Variants in MYO3B observed in about 807,000 individuals in gnomAD.
The protein encoded by MYO3B is myosin IIIB.
In MYO3B, 156 loss-of-function variants were observed where a neutral mutation model predicts 174.6. The observed-to-expected ratio is 0.89, with a 90% CI of 0.78 to 1.02. The LOEUF (loss-of-function observed/expected upper bound fraction) is 1.02, where lower values mean the gene tolerates loss of function less well. MYO3B is among the 50% of genes least tolerant of loss of function. MYO3B has a pLI of 0.00. For synonymous variants in MYO3B, 563 were observed against 569.1 expected (o/e 0.99, Z 0.15); for missense variants, 1,632 against 1,639.4 (o/e 1.00, Z 0.08).
At chr2:170,573,152 A>G (rs868354019) in intron 32 of MYO3B, among the ~76,000 whole-genome samples, 1 of 146,870 alleles carries the variant, frequency 6.8e-6, no homozygotes, top group Non-Finnish European at 1.5e-5. Flanking sequence ...TCTAGGGGAT[A>G]CTATATATAT....
rs745323064 is a variant in MYO3B, at chr2:170,392,385, A to G, written c.1681A>G (p.Ile561Val). The G allele has an allele frequency of 1.3e-5, 21 of 1,596,600 alleles. No individual in the cohort carries two copies. Among genetic ancestry groups the G allele is most frequent in the Non-Finnish European group, 1.8e-5 (21 of 1,168,782 alleles). ...RLPEEKPPRYIADETGRVMHD... is the reference protein window; with the variant it reads ...RLPEEKPPRYVADETGRVMHD... ...GTCATGCTCCACTTCATTTAGGTAC[A>G]TAGCTGATGAAACTGGAAGGGTGAT... Residue 561 changes from isoleucine to valine, a missense_variant, in exon 16 of 35, where the codon ATA becomes GTA. Ile to Val is a conservative substitution (Grantham distance 29). Coordinates refer to ENST00000408978, the MANE Select transcript of MYO3B (RefSeq NM_138995.5).
At chr2:170,232,946 A>T (rs560078117) in intron 6 of MYO3B, among the ~76,000 whole-genome samples, 2 of 152,246 alleles carry the variant, frequency 1.3e-5, no homozygotes, top group Non-Finnish European at 2.9e-5. Context: ...TGAGCTGAAG[A>T]TAATGTTTGT....
At chr2:170,361,695 A>C (rs1018655232) in intron 8 of MYO3B, among the ~76,000 whole-genome samples, 1 of 152,194 alleles carries the variant, frequency 6.6e-6, no homozygotes. Flanking sequence ...TTGACCTGCT[A>C]CTTGGCTCTG....
At chr2:170,402,012 G>C (rs2094480750) in intron 18 of MYO3B, among the ~76,000 whole-genome samples, 1 of 152,152 alleles carries the variant, frequency 6.6e-6, no homozygotes, top group Non-Finnish European at 1.5e-5. Context: ...ATCCAGGACA[G>C]TTGAAGCATT....
chr2:170,248,873 G>C (rs1057328681), intron 7 of MYO3B, among the ~76,000 whole-genome samples: 2 of 152,262 alleles, frequency 1.3e-5, no homozygotes, highest in Middle Eastern at 3.4e-3. Context: ...ATTAGGACAC[G>C]GACATCTTTA....
chr2:170,323,454 A>AT (rs559805417), intron 7 of MYO3B, among the ~76,000 whole-genome samples: 206 of 152,356 alleles, frequency 1.4e-3, no homozygotes, highest in African/African-American at 4.7e-3. Flanking sequence ...CTGGCTTATC[A>AT]TATCAGGCCT....
At chr2:170,279,481 G>A (rs1452682191) in intron 7 of MYO3B, among the ~76,000 whole-genome samples, 1 of 151,664 alleles carries the variant, frequency 6.6e-6, no homozygotes, top group Non-Finnish European at 1.5e-5. Flanking sequence ...AAAACTTTTA[G>A]GTTCAGGGGT....
At chr2:170,576,868 C>T (rs1692819860) in intron 32 of MYO3B, among the ~76,000 whole-genome samples, 1 of 152,118 alleles carries the variant, frequency 6.6e-6, no homozygotes, top group Admixed American at 6.5e-5. Context: ...AGCGGTTCTG[C>T]AGATTTCTGC....
intron 20 of MYO3B, among the ~76,000 whole-genome samples, chr2:170,404,893 G>A (rs1437774384): frequency 1.3e-5 from 2 of 152,200 alleles, no homozygotes; most frequent in Non-Finnish European, 2.9e-5. Flanking sequence ...TCTACAGGAT[G>A]AATATAGGGC....
At chr2:170,190,410 A>G (rs1464821776) in intron 1 of MYO3B, among the ~76,000 whole-genome samples, 1 of 152,148 alleles carries the variant, frequency 6.6e-6, no homozygotes, top group Non-Finnish European at 1.5e-5. Context: ...TGATGAAGCC[A>G]GCTAGGTTTG....
At chr2:170,542,728 C>A (rs1690197702) in intron 30 of MYO3B, among the ~76,000 whole-genome samples, 178 bp from the exon 31 acceptor site, 1 of 152,142 alleles carries the variant, frequency 6.6e-6, no homozygotes, top group Admixed American at 6.5e-5. Context: ...AGGAGCAACA[C>A]CTAGTAGGAC....
At chr2:170,387,962 T>C (rs529097540) in intron 14 of MYO3B, among the ~76,000 whole-genome samples, 1 of 152,232 alleles carries the variant, frequency 6.6e-6, no homozygotes, top group South Asian at 2.1e-4. Context: ...CTTCCTATGA[T>C]AATAATATAA....
intron 32 of MYO3B, among the ~76,000 whole-genome samples, chr2:170,581,578 A>G (rs903805182): frequency 1.3e-5 from 2 of 151,432 alleles, no homozygotes; most frequent in Admixed American, 6.6e-5. Context: ...TAAAGTTTTA[A>G]TCTTTTTTTT....
chr2:170,621,711 C>T (rs1422199041), intron 32 of MYO3B, among the ~76,000 whole-genome samples: 1 of 151,978 alleles, frequency 6.6e-6, no homozygotes. Flanking sequence ...GTTATTTCGT[C>T]ATGTTGGTCA....
In MYO3B at chr2:170,335,182, A is replaced by G. The variant is rs758936781; in HGVS notation, c.750-203A>G. 3.2e-4 allele frequency among the ~76,000 whole-genome samples: 49 copies of G among 152,220 alleles called. 1 individual carries two copies. The highest frequency in any genetic ancestry group is 3.9e-4 in the Admixed American group (6 of 15,266). On this transcript the variant is annotated intron_variant, in intron 7 of 34. Transcript: ENST00000408978. ...CACAGGTCCTGAGAAGGCCAGGGACATAGTAGGTCTTCAGTCAATGAAAAT... is the reference window on the plus strand; with the variant it reads ...CACAGGTCCTGAGAAGGCCAGGGACGTAGTAGGTCTTCAGTCAATGAAAAT...
At chr2:170,500,399 A>G (rs1243762389) in intron 27 of MYO3B, among the ~76,000 whole-genome samples, 1 of 152,194 alleles carries the variant, frequency 6.6e-6, no homozygotes, top group Non-Finnish European at 1.5e-5. Flanking sequence ...TTCCTGGGGT[A>G]TGCATCAGTT....
rs372444832 is a variant in MYO3B at position 170,543,957 on chromosome 2, A to C, written c.3702A>C (p.Gly1234=). 5.6e-6 allele frequency: 9 copies of C among 1,613,252 alleles called. No homozygotes were observed. In the Admixed American group the frequency reaches 1.5e-4, roughly 27 times the overall value. The change falls in exon 32 of 35, where the codon GGA becomes GGC. Residue 1234 remains glycine, a synonymous_variant. Coordinates refer to ENST00000408978, the MANE Select transcript of MYO3B (RefSeq NM_138995.5). ...RICHPAPDQQ[G]LSLWGAPQKP... ...GCCATCCTGCTCCAGATCAGCAAGG[A>C]TTGAGTCTCTGGGGAGCCCCTCAAA...
chr2:170,221,154 G>A (rs909989033), intron 6 of MYO3B, among the ~76,000 whole-genome samples: 1 of 151,808 alleles, frequency 6.6e-6, no homozygotes, highest in South Asian at 2.1e-4. Context: ...TGGCCTGTGT[G>A]GTATATTGAT....
intron 32 of MYO3B, among the ~76,000 whole-genome samples, chr2:170,603,577 C>T (rs1694645165): frequency 6.6e-6 from 1 of 151,986 alleles, no homozygotes; most frequent in Admixed American, 6.6e-5. Context: ...TTTTTTACTA[C>T]AAAACAGGAA....
Sources: gnomAD v4.1 joint callset for allele counts (sites outside exome capture counted in the v4.1 genomes callset) on GRCh38, gnomAD v4.1.1 for gene constraint, MANE v1.5 for transcripts, NCBI Gene and HGNC (gene_info 2026-07-23, HGNC 2026-07-21) for gene names.